The following RASSF3 variants were observed in gnomAD, a reference collection of about 807,000 sequenced individuals.
The protein encoded by RASSF3 is ras association domain-containing protein 3.
RASSF3 carries 19 observed loss-of-function variants against 19.9 expected under a neutral mutation model. The observed-to-expected ratio is 0.96, with a 90% CI of 0.67 to 1.40. RASSF3 has a LOEUF of 1.40. Among genes scored for constraint, RASSF3 ranks in the 40% most tolerant of loss-of-function variants. The pLI is 0.00. For synonymous variants in RASSF3, 110 were observed against 104.2 expected (o/e 1.06, Z -0.34); for missense variants, 306 against 289.8 (o/e 1.06, Z -0.41).
chr12:64,518,419 G>A (rs533393805), intron 1 of RASSF3, among the ~76,000 whole-genome samples: 1 of 152,330 alleles, frequency 6.6e-6, no homozygotes, highest in African/African-American at 2.4e-5. Flanking sequence ...AGGCAAAGAA[G>A]AAGACAGTGT....
At chr12:64,632,194 G>A (rs1871189913) in intron 1 of RASSF3, among the ~76,000 whole-genome samples, 1 of 152,122 alleles carries the variant, frequency 6.6e-6, no homozygotes, top group African/African-American at 2.4e-5. Context: ...CACCGGGCCA[G>A]AAGAGGGGAG....
intron 1 of RASSF3, among the ~76,000 whole-genome samples, chr12:64,623,304 A>G (rs1156661631): frequency 6.6e-6 from 1 of 152,252 alleles, no homozygotes; most frequent in African/African-American, 2.4e-5. Flanking sequence ...TACAGTTAAC[A>G]GGGCATTCCA....
intron 2 of RASSF3, among the ~76,000 whole-genome samples, chr12:64,602,804 C>T (rs1870117724): frequency 1.3e-5 from 2 of 151,622 alleles, no homozygotes; most frequent in African/African-American, 2.4e-5. Context: ...CTTTACTCTC[C>T]CAAACTCAGG....
chr12:64,556,834 C>CTTTTT (rs5798747), intron 2 of RASSF3, among the ~76,000 whole-genome samples: 1 of 114,404 alleles, frequency 8.7e-6, no homozygotes, highest in Non-Finnish European at 1.8e-5. Flanking sequence ...CCCCCTACCC[C>CTTTTT]TTTTTTTTTT....
chr12:64,648,822 T>TTTTTTTTA (rs1555214230), intron 1 of RASSF3, among the ~76,000 whole-genome samples: 7 of 149,744 alleles, frequency 4.7e-5, no homozygotes, highest in African/African-American at 1.7e-4. Context: ...TTTTTTTTTT[T>TTTTTTTTA]AGAGATAGGG....
chr12:64,633,544 G>A (rs1294310436), intron 1 of RASSF3, among the ~76,000 whole-genome samples: 3 of 152,158 alleles, frequency 2.0e-5, no homozygotes, highest in Admixed American at 1.3e-4. Context: ...CTCACCAGGA[G>A]CAGATGTTGG....
At chr12:64,568,821 T>A (rs1216084824) in intron 2 of RASSF3, among the ~76,000 whole-genome samples, 1 of 152,166 alleles carries the variant, frequency 6.6e-6, no homozygotes, top group Non-Finnish European at 1.5e-5. Context: ...GCAATTCTCC[T>A]GCCTCAGCCT....
At chr12:64,513,324 C>T (rs1387770450) in intron 1 of RASSF3, among the ~76,000 whole-genome samples, 1 of 151,904 alleles carries the variant, frequency 6.6e-6, no homozygotes, top group Non-Finnish European at 1.5e-5. Flanking sequence ...GTGGTGGGCA[C>T]CTGTAATCCC....
intron 1 of RASSF3, among the ~76,000 whole-genome samples, chr12:64,654,454 C>G (rs1872076252): frequency 2.0e-5 from 3 of 152,036 alleles, no homozygotes; most frequent in Admixed American, 1.3e-4. Flanking sequence ...GCATGAACCA[C>G]TGCCCCGGCC....
At chr12:64,641,414 A>ACACACACACACACACGTGCGCGCGCGCG in intron 1 of RASSF3, among the ~76,000 whole-genome samples, 3 of 142,100 alleles carry the variant, frequency 2.1e-5, no homozygotes, top group African/African-American at 8.4e-5. Context: ...ACACACACAC[A>ACACACACACACACACGTGCGCGCGCGCG]CGCGCGCGCG....
intron 1 of RASSF3, among the ~76,000 whole-genome samples, chr12:64,644,962 T>A (rs1871679487): frequency 6.6e-6 from 1 of 151,444 alleles, no homozygotes; most frequent in African/African-American, 2.4e-5. Context: ...TAGTCCCAGC[T>A]ACTGTGGAGA....
intron 1 of RASSF3, among the ~76,000 whole-genome samples, chr12:64,535,689 C>T (rs1868809160): frequency 7.3e-6 from 1 of 137,576 alleles, no homozygotes; most frequent in African/African-American, 2.7e-5. Context: ...TTTGTTTTCA[C>T]TTTTTTTTTT....
At chr12:64,571,136 G>C (rs1004034730) in intron 2 of RASSF3, among the ~76,000 whole-genome samples, 1 of 152,022 alleles carries the variant, frequency 6.6e-6, no homozygotes, top group Non-Finnish European at 1.5e-5. Context: ...AGAATTGCTT[G>C]GGAGGTGGAG....
chr12:64,593,450 G>A (rs1045862702), intron 2 of RASSF3, among the ~76,000 whole-genome samples: 4 of 151,998 alleles, frequency 2.6e-5, no homozygotes, highest in Non-Finnish European at 5.9e-5. Context: ...TGAACTCCTG[G>A]CCTGAAATTA....
chr12:64,600,125 G>C (rs1407651287), intron 2 of RASSF3, among the ~76,000 whole-genome samples: 5 of 151,788 alleles, frequency 3.3e-5, no homozygotes, highest in Non-Finnish European at 5.9e-5. Flanking sequence ...CTTATCTGAG[G>C]GGTCTTTTCT....
At chr12:64,645,075 AAT>A (rs1871683509) in intron 1 of RASSF3, among the ~76,000 whole-genome samples, 1 of 152,062 alleles carries the variant, frequency 6.6e-6, no homozygotes, top group Non-Finnish European at 1.5e-5. Flanking sequence ...TTAAGGTGGG[AAT>A]TATTTATGGT....
At chr12:64,624,475 A>G (rs528329935) in intron 1 of RASSF3, among the ~76,000 whole-genome samples, 5 of 151,684 alleles carry the variant, frequency 3.3e-5, no homozygotes, top group East Asian at 3.9e-4. Flanking sequence ...GGGTCTCACT[A>G]TGTTGCTCAG....
At chr12:64,596,790 C>A (rs372033705) in intron 2 of RASSF3, among the ~76,000 whole-genome samples, 37 of 152,270 alleles carry the variant, frequency 2.4e-4, no homozygotes, top group African/African-American at 8.7e-4. Flanking sequence ...AGTGCAATGG[C>A]GTGATCTCAG....
chr12:64,657,072 C>G (rs1161544203), intron 1 of RASSF3, among the ~76,000 whole-genome samples: 1 of 148,846 alleles, frequency 6.7e-6, no homozygotes, highest in African/African-American at 2.5e-5. Flanking sequence ...TGCAATGGTG[C>G]TATCTTGGCT....
Sources: allele counts gnomAD v4.1 joint callset (sites outside exome capture counted in the v4.1 genomes callset), GRCh38; gene constraint gnomAD v4.1.1; transcripts MANE v1.5; gene names NCBI Gene and HGNC (gene_info 2026-07-23, HGNC 2026-07-21).